BLTP1: variants seen among roughly 807,000 people sequenced by gnomAD.
The protein encoded by BLTP1 is bridge-like lipid transfer protein family member 1.
At chr4:122,286,798 T>A in the BLTP1 span, 1 of 1,601,048 alleles carries the variant, frequency 6.2e-7, no homozygotes, top group Non-Finnish European at 8.5e-7. Flanking sequence ...AAGTTTACTT[T>A]AAAATTTTCT....
the BLTP1 span, chr4:122,292,545 A>G: frequency 1.2e-6 from 1 of 845,404 alleles, no homozygotes; most frequent in Non-Finnish European, 1.4e-6. Context: ...TTAGACTGTC[A>G]GAAGAAAATA....
At chr4:122,291,887 A>C in the BLTP1 span, 5 of 910,800 alleles carry the variant, frequency 5.5e-6, no homozygotes, top group Non-Finnish European at 6.6e-6. Flanking sequence ...TTTCTTTCTG[A>C]AACTAGATAA....
the BLTP1 span, among the ~76,000 whole-genome samples, chr4:122,161,930 A>G: frequency 5.3e-4 from 81 of 152,344 alleles, no homozygotes; most frequent in African/African-American, 1.6e-3. Flanking sequence ...GGATACCCAA[A>G]TGAGTACAGC....
chr4:122,190,469 T>C, the BLTP1 span: 3 of 928,300 alleles, frequency 3.2e-6, no homozygotes, highest in Non-Finnish European at 3.9e-6. Flanking sequence ...CTAGTAATAT[T>C]TTAAATCTTC....
At chr4:122,338,242 A>C in the BLTP1 span, among the ~76,000 whole-genome samples, 1 of 152,116 alleles carries the variant, frequency 6.6e-6, no homozygotes, top group Non-Finnish European at 1.5e-5. Context: ...TGAGCCTGGT[A>C]GATCACTTGA....
At chr4:122,297,457 G>A in the BLTP1 span, among the ~76,000 whole-genome samples, 1 of 152,180 alleles carries the variant, frequency 6.6e-6, no homozygotes, top group Non-Finnish European at 1.5e-5. Context: ...TTGTTGGTGG[G>A]AGCGTAAATT....
the BLTP1 span, chr4:122,293,368 C>T: frequency 1.8e-3 from 340 of 184,608 alleles, 1 homozygote; most frequent in Non-Finnish European, 2.8e-3. Context: ...AGCTCCACCA[C>T]GGAGGGCAAG....
chr4:122,224,570 G>A, the BLTP1 span: 2 of 1,613,814 alleles, frequency 1.2e-6, no homozygotes, highest in African/African-American at 1.3e-5. Flanking sequence ...GAGAGCACAC[G>A]CTATGTTCTC....
At chr4:122,177,695 G>A in the BLTP1 span, among the ~76,000 whole-genome samples, 1 of 152,154 alleles carries the variant, frequency 6.6e-6, no homozygotes, top group Non-Finnish European at 1.5e-5. Flanking sequence ...GAGCCACCAT[G>A]AAATGTTGGC....
the BLTP1 span, among the ~76,000 whole-genome samples, chr4:122,178,852 T>C: frequency 6.6e-6 from 1 of 152,220 alleles, no homozygotes; most frequent in Non-Finnish European, 1.5e-5. Flanking sequence ...AAATAATTGT[T>C]AAATTATTAA....
the BLTP1 span, among the ~76,000 whole-genome samples, chr4:122,326,571 A>G: frequency 4.0e-5 from 6 of 151,666 alleles, no homozygotes; most frequent in African/African-American, 4.8e-5. Context: ...TTTTTTTATG[A>G]AGAAAACTTG....
At chr4:122,181,945 A>G in the BLTP1 span, among the ~76,000 whole-genome samples, 30 of 152,180 alleles carry the variant, frequency 2.0e-4, no homozygotes, top group Non-Finnish European at 3.8e-4. Flanking sequence ...TGCAAAAGTA[A>G]TAATTGATAA....
chr4:122,170,746 T>C, the BLTP1 span: 7 of 1,580,212 alleles, frequency 4.4e-6, no homozygotes, highest in Non-Finnish European at 6.0e-6. Flanking sequence ...TCCTTGTTGG[T>C]AAGTGGAATA....
At chr4:122,166,536 A>AG in the BLTP1 span, among the ~76,000 whole-genome samples, 1 of 152,212 alleles carries the variant, frequency 6.6e-6, no homozygotes, top group Non-Finnish European at 1.5e-5. Context: ...CTTTTGGGTT[A>AG]GGATTGGCTT....
the BLTP1 span, chr4:122,271,211 A>G: frequency 7.4e-6 from 12 of 1,613,842 alleles, no homozygotes; most frequent in Admixed American, 1.7e-5. Flanking sequence ...CTGTCAGTCA[A>G]TAAGCCAGCA....
the BLTP1 span, among the ~76,000 whole-genome samples, chr4:122,318,905 C>T: frequency 6.6e-6 from 1 of 152,154 alleles, no homozygotes; most frequent in Non-Finnish European, 1.5e-5. Context: ...TAATCCAGTC[C>T]TTTAATAAAT....
the BLTP1 span, chr4:122,328,029 T>G: frequency 1.8e-6 from 2 of 1,103,932 alleles, no homozygotes; most frequent in Non-Finnish European, 2.5e-6. Flanking sequence ...AATTTTTAAA[T>G]GTTTAAATTT....
chr4:122,238,450 T>C, the BLTP1 span: 17 of 882,284 alleles, frequency 1.9e-5, no homozygotes, highest in Non-Finnish European at 2.8e-5. Flanking sequence ...TCCCCCACTT[T>C]AGAAAATTGT....
the BLTP1 span, among the ~76,000 whole-genome samples, chr4:122,356,253 A>G: frequency 1.3e-5 from 2 of 152,332 alleles, no homozygotes; most frequent in Middle Eastern, 3.4e-3. Context: ...ATATAGGTTG[A>G]GCATCCCAAT....
Sources: allele counts gnomAD v4.1 joint callset (sites outside exome capture counted in the v4.1 genomes callset), GRCh38; gene constraint gnomAD v4.1.1; transcripts MANE v1.5; gene names NCBI Gene and HGNC (gene_info 2026-07-23, HGNC 2026-07-21).